Variants in ADPGK observed in about 807,000 individuals in gnomAD.
ADPGK encodes the protein ADP-dependent glucokinase.
In ADPGK, 26 loss-of-function variants were observed where a neutral mutation model predicts 42.4. That is an observed-to-expected ratio of 0.61 (90% CI 0.45 to 0.85). ADPGK has a LOEUF of 0.85. ADPGK is among the 40% of genes least tolerant of loss of function. The pLI is 0.00. For missense variants in ADPGK, 571 were observed against 627.0 expected (o/e 0.91, Z 0.95); for synonymous variants, 267 against 252.6 (o/e 1.06, Z -0.54).
intron 5 of ADPGK, 97 bp downstream of exon 5, chr15:72,756,154 G>T: frequency 6.8e-7 from 1 of 1,471,992 alleles, no homozygotes; most frequent in Non-Finnish European, 9.5e-7. Context: ...TCCCTGGGAG[G>T]CCAGGACCTA....
At chr15:72,761,667 A>G (rs1173743191) in intron 3 of ADPGK, among the ~76,000 whole-genome samples, 2 of 151,990 alleles carry the variant, frequency 1.3e-5, no homozygotes, top group South Asian at 4.2e-4. Context: ...GATTTAAAGG[A>G]AAGTCCACAG....
At chr15:72,757,823 T>C (rs2066136544) in intron 4 of ADPGK, 3 of 384,920 alleles carry the variant, frequency 7.8e-6, no homozygotes, top group African/African-American at 6.1e-5. Context: ...GTGACACTGC[T>C]AGGAAACACG....
At chr15:72,765,444 C>G (rs1044310162) in intron 3 of ADPGK, among the ~76,000 whole-genome samples, 1 of 152,232 alleles carries the variant, frequency 6.6e-6, no homozygotes, top group Non-Finnish European at 1.5e-5. Context: ...GCCACTGCAC[C>G]TGGCTGGAAT....
chr15:72,755,724 C>T, intron 5 of ADPGK, 70 bp from the exon 6 acceptor site: 1 of 1,274,882 alleles, frequency 7.8e-7, no homozygotes. Flanking sequence ...AAGAAAAGAT[C>T]AGATCCTGAG....
chr15:72,778,871 G>A (rs891174044), intron 1 of ADPGK, among the ~76,000 whole-genome samples: 3 of 152,120 alleles, frequency 2.0e-5, no homozygotes, highest in African/African-American at 7.2e-5. Context: ...GAAGAAAGGC[G>A]GCTGATCTTT....
chr15:72,755,126 G>A (rs2066095334), intron 6 of ADPGK, among the ~76,000 whole-genome samples: 1 of 152,198 alleles, frequency 6.6e-6, no homozygotes, highest in African/African-American at 2.4e-5. Context: ...GTGTTCTGAA[G>A]CTTCACCTGC....
intron 3 of ADPGK, among the ~76,000 whole-genome samples, chr15:72,767,410 A>G (rs1242919725): frequency 6.6e-6 from 1 of 151,786 alleles, no homozygotes; most frequent in African/African-American, 2.4e-5. Context: ...ATAAGAATAT[A>G]GAAGACTTGA....
At chr15:72,769,834 T>C (rs1263757861) in intron 3 of ADPGK, among the ~76,000 whole-genome samples, 4 of 152,088 alleles carry the variant, frequency 2.6e-5, no homozygotes, top group African/African-American at 9.7e-5. Flanking sequence ...CAGTTTTAAC[T>C]TCTCCATGCC....
intron 3 of ADPGK, among the ~76,000 whole-genome samples, chr15:72,765,374 T>G (rs573177705): frequency 6.6e-6 from 1 of 152,264 alleles, no homozygotes; most frequent in African/African-American, 2.4e-5. Flanking sequence ...GGTCTCAAAC[T>G]CCCAGCCTCA....
chr15:72,764,840 A>G (rs1300233243), intron 3 of ADPGK, among the ~76,000 whole-genome samples: 1 of 152,160 alleles, frequency 6.6e-6, no homozygotes, highest in African/African-American at 2.4e-5. Flanking sequence ...AGTTGAAGCC[A>G]ATGCTCACTG....
intron 3 of ADPGK, among the ~76,000 whole-genome samples, chr15:72,767,188 TTTTA>T (rs1210212785): frequency 1.3e-5 from 2 of 152,112 alleles, no homozygotes; most frequent in African/African-American, 4.8e-5. Context: ...TATGAAATGA[TTTTA>T]TTTATCCCTA....
chr15:72,779,575 T>C (rs1475069504), intron 1 of ADPGK, among the ~76,000 whole-genome samples: 1 of 152,058 alleles, frequency 6.6e-6, no homozygotes, highest in Admixed American at 6.6e-5. Flanking sequence ...AATGAATAGG[T>C]ACCAGAGTCT....
rs2151090265 is a variant in ADPGK at position 72,774,919 on chromosome 15, T to C, written c.412A>G (p.Thr138Ala). The change falls in exon 2 of 7, where the codon ACT (threonine) becomes GCT (alanine). Residue 138 changes from threonine to alanine, a missense_variant. Transcript: ENST00000456471. ...AAERFFSDKE[T>A]FHDIAQVASE... ...GCAACCTGGGCAATGTCGTGAAAAGTTTCCTTATCACTGAAGAAGCGCTCA... is the reference window on the plus strand; with the variant it reads ...GCAACCTGGGCAATGTCGTGAAAAGCTTCCTTATCACTGAAGAAGCGCTCA... 6.2e-7 allele frequency: 1 copy of C among 1,614,154 alleles called. No individual in the cohort carries two copies. The highest frequency in any genetic ancestry group is 1.3e-5 in the African/African-American group (1 of 75,046).
chr15:72,775,096 C>T lies in ADPGK; in HGVS notation c.235G>A (p.Val79Ile), dbSNP rs375657231. Residue 79 changes from valine (V) to isoleucine (I), a missense_variant and splice_region_variant, in exon 2 of 7, where the codon GTC becomes ATC. By Grantham distance (29) the Val-to-Ile change is conservative. Coordinates refer to ENST00000456471, the MANE Select transcript of ADPGK (RefSeq NM_001365225.1). ...VRRWRRVAVGVNACVDVVLSG... is the reference protein window; with the variant it reads ...VRRWRRVAVGINACVDVVLSG... Reference sequence around the variant, plus strand: ...AGCACCACATCAACACATGCATTGACTCTAGAAGGAGGAAAAAAACTGTGT... The same window carrying T: ...AGCACCACATCAACACATGCATTGATTCTAGAAGGAGGAAAAAAACTGTGT... 2.2e-5 allele frequency: 36 copies of T among 1,613,626 alleles called. No homozygotes were observed. In the African/African-American group the frequency reaches 4.3e-4, roughly 19 times the overall value.
intron 2 of ADPGK, among the ~76,000 whole-genome samples, chr15:72,773,892 A>C (rs759423803): frequency 7.1e-4 from 108 of 152,334 alleles, no homozygotes; most frequent in Non-Finnish European, 8.1e-4. Flanking sequence ...TTTTTGAGAC[A>C]GGGTCACACC....
At chr15:72,783,278 G>A (rs1291879567) in intron 1 of ADPGK, 181 bp downstream of exon 1, 6 of 1,252,004 alleles carry the variant, frequency 4.8e-6, no homozygotes, top group African/African-American at 4.7e-5. Flanking sequence ...GGCCAGCCGA[G>A]TGGAAAGAGC....
intron 6 of ADPGK, 75 bp from the exon 7 acceptor site, chr15:72,752,970 G>A (rs1048283312): frequency 1.4e-6 from 2 of 1,414,498 alleles, no homozygotes; most frequent in African/African-American, 2.9e-5. Context: ...CACAGCCAGT[G>A]ACTAAATGAC....
Position 72,783,737 on chromosome 15 carries a change from C to A in ADPGK, c.-46G>T, listed in dbSNP as rs757693332. 5 of 1,406,760 alleles carry A rather than the reference C, an allele frequency of 3.6e-6. No homozygotes were observed. The highest frequency in any genetic ancestry group is 1.5e-5 in the South Asian group (1 of 66,164). 87.1% of individuals were successfully genotyped at this position (1,406,760 alleles called of 1,614,324 possible). ...TGCGCGAACCAACTCCTTTCCTAGCCCGCGCCTCTTCCGGGCTCGGCGCGC... is the reference window on the plus strand; with the variant it reads ...TGCGCGAACCAACTCCTTTCCTAGCACGCGCCTCTTCCGGGCTCGGCGCGC... On this transcript the variant is annotated 5_prime_UTR_variant, in exon 1 of 7. Coordinates refer to ENST00000456471, the MANE Select transcript of ADPGK (RefSeq NM_001365225.1).
Position 72,774,854 on chromosome 15 carries a change from T to C in ADPGK, c.459+18A>G, listed in dbSNP as rs773425889. The C allele has an allele frequency of 1.9e-6, 3 of 1,596,494 alleles. No homozygotes were observed. The highest frequency in any genetic ancestry group is 2.6e-6 in the Non-Finnish European group (3 of 1,166,072). ...ATCTTTTTCCACCCTTAATTTACTA[T>C]TGCTGAACCAAACAGACCTGGGCTC... is the stretch of plus-strand genomic sequence containing the variant. On this transcript the variant is annotated intron_variant, in intron 2 of 6. Coordinates refer to ENST00000456471, the MANE Select transcript of ADPGK (RefSeq NM_001365225.1).
Sources: allele counts gnomAD v4.1 joint callset (sites outside exome capture counted in the v4.1 genomes callset), GRCh38; gene constraint gnomAD v4.1.1; transcripts MANE v1.5; gene names NCBI Gene and HGNC (gene_info 2026-07-23, HGNC 2026-07-21).